The following ARHGAP31 variants were observed in gnomAD, a reference collection of about 807,000 sequenced individuals.
The protein encoded by ARHGAP31 is rho GTPase-activating protein 31.
Under a neutral mutation model 113.9 loss-of-function variants are expected in ARHGAP31, and 34 were observed. The ratio of observed to expected loss-of-function variants is 0.30; its 90% CI spans 0.23 to 0.40. The LOEUF (loss-of-function observed/expected upper bound fraction) is 0.40, where lower values mean the gene tolerates loss of function less well. Ranked by LOEUF, ARHGAP31 falls within the 10% of genes least tolerant of loss-of-function variation. The pLI, the probability that ARHGAP31 is intolerant of heterozygous loss-of-function variation, is 1.00. For synonymous variants in ARHGAP31, 650 were observed against 684.8 expected (o/e 0.95, Z 0.79); for missense variants, 1,548 against 1,767.1 (o/e 0.88, Z 2.22).
In ARHGAP31 at chr3:119,358,786, C is replaced by T. The variant is rs114125882; in HGVS notation, c.101-6530C>T. Among the ~76,000 whole-genome samples the T allele has an allele frequency of 3.7e-3, 560 of 152,216 alleles. 3 individuals carry two copies. The highest frequency in any genetic ancestry group is 0.013 in the African/African-American group (548 of 41,544). ...TCTCATTTATAGGAAATGTCCAAAA[C>T]GGGCAAACCCATAGAAAATAGAACG... On this transcript the variant is annotated intron_variant, in intron 1 of 11. Transcript: ENST00000264245.
chr3:119,338,315 A>T (rs898353096), intron 1 of ARHGAP31, among the ~76,000 whole-genome samples: 8 of 152,182 alleles, frequency 5.3e-5, no homozygotes, highest in Non-Finnish European at 8.8e-5. Context: ...CTAAGTGTTC[A>T]TTTAACAATT....
chr3:119,413,308 C>T (rs1338395750), intron 11 of ARHGAP31, among the ~76,000 whole-genome samples: 1 of 141,434 alleles, frequency 7.1e-6, no homozygotes, highest in Non-Finnish European at 1.5e-5. Context: ...TAACGCGAGA[C>T]TCTGTCTCAA....
At chr3:119,366,540 A>G (rs2080253696) in intron 2 of ARHGAP31, among the ~76,000 whole-genome samples, 1 of 152,122 alleles carries the variant, frequency 6.6e-6, no homozygotes. Context: ...CTAGTACTCC[A>G]TTTATTAGAG....
chr3:119,326,585 G>A (rs1466807600), intron 1 of ARHGAP31, among the ~76,000 whole-genome samples: 1 of 152,200 alleles, frequency 6.6e-6, no homozygotes, highest in Admixed American at 6.5e-5. Context: ...AACTGATGGG[G>A]AGAAGTTTTT....
intron 3 of ARHGAP31, among the ~76,000 whole-genome samples, chr3:119,372,280 C>CTT (rs758369404): frequency 3.8e-4 from 49 of 128,964 alleles, no homozygotes; most frequent in Admixed American, 9.4e-4. Flanking sequence ...TTATTTCTGA[C>CTT]TTTTTTTTTT....
At chr3:119,368,537 T>C in intron 3 of ARHGAP31, 21 bp downstream of exon 3, 1 of 1,613,950 alleles carries the variant, frequency 6.2e-7, no homozygotes, top group Non-Finnish European at 8.5e-7. Flanking sequence ...GGATTTCCAT[T>C]ATGGTTACTG....
At chr3:119,364,737 G>A (rs772352529) in intron 1 of ARHGAP31, among the ~76,000 whole-genome samples, 3 of 152,162 alleles carry the variant, frequency 2.0e-5, no homozygotes, top group Non-Finnish European at 4.4e-5. Flanking sequence ...GTTGTGGAAT[G>A]TCCAAGCTCA....
rs1441029427 is a variant in ARHGAP31 at position 119,391,604 on chromosome 3, C to CG, written c.881+621_881+622insG. On this transcript the variant is annotated intron_variant, in intron 7 of 11. Transcript: ENST00000264245. ...CTGGGTCTCTACCCCCCCCTCCCCCCCGCCGTCACTCATATCCCATAGTAG... is the reference window on the plus strand; with the variant it reads ...CTGGGTCTCTACCCCCCCCTCCCCCCGCGCCGTCACTCATATCCCATAGTAG... 8.8e-5 allele frequency among the ~76,000 whole-genome samples: 10 copies of CG among 113,462 alleles called. No homozygotes were observed. The East Asian group carries it at 1.1e-3, about 13-fold the overall frequency. 74.4% of individuals were successfully genotyped at this position (113,462 alleles called of 152,430 possible). A position where few individuals can be genotyped will look rare whatever the true frequency, so the allele number is the denominator to read the frequency against.
chr3:119,310,868 A>T (rs2079673766), intron 1 of ARHGAP31, among the ~76,000 whole-genome samples: 1 of 152,316 alleles, frequency 6.6e-6, no homozygotes, highest in Non-Finnish European at 1.5e-5. Context: ...TAATTCACCT[A>T]ATCAACTTCC....
chr3:119,338,857 T>C (rs1220991708), intron 1 of ARHGAP31, among the ~76,000 whole-genome samples: 1 of 152,232 alleles, frequency 6.6e-6, no homozygotes, highest in Non-Finnish European at 1.5e-5. Flanking sequence ...GGCCTGCCAC[T>C]GTGTATGAAC....
At position 119,409,666 on chromosome 3, in the gene ARHGAP31, C is replaced by G. The variant is rs761842666; in HGVS notation, c.1816C>G (p.Pro606Ala). ...SQHLNELEKR[P>A]NPEKVVEEGR... Reference sequence around the variant, plus strand: ...ACATTTAAATGAATTAGAGAAGAGGCCAAATCCGGAGAAGGTGGTGGAGGA... The same window carrying G: ...ACATTTAAATGAATTAGAGAAGAGGGCAAATCCGGAGAAGGTGGTGGAGGA... Residue 606 changes from proline to alanine, a missense_variant, in exon 11 of 12, where the codon CCA becomes GCA. Physicochemically the swap from Pro to Ala is conservative, Grantham distance 27. Transcript: ENST00000264245. 1 of 1,611,774 alleles carries G rather than the reference C, an allele frequency of 6.2e-7. No individual in the cohort carries two copies. Among genetic ancestry groups the G allele is most frequent in the Admixed American group, 1.7e-5 (1 of 59,658 alleles).
intron 1 of ARHGAP31, among the ~76,000 whole-genome samples, chr3:119,333,698 CAG>C (rs1459860826): frequency 1.3e-5 from 2 of 152,184 alleles, no homozygotes; most frequent in Non-Finnish European, 2.9e-5. Context: ...CCTAAAAATT[CAG>C]AGTCAGGAAG....
intron 1 of ARHGAP31, among the ~76,000 whole-genome samples, chr3:119,336,827 A>C (rs955375538): frequency 6.6e-6 from 1 of 151,218 alleles, no homozygotes; most frequent in Non-Finnish European, 1.5e-5. Flanking sequence ...CTTCCCACCT[A>C]CTCTCCCGGC....
intron 7 of ARHGAP31, among the ~76,000 whole-genome samples, chr3:119,391,903 C>T (rs1231928974): frequency 6.6e-6 from 1 of 152,102 alleles, no homozygotes; most frequent in Non-Finnish European, 1.5e-5. Context: ...TGAGACTCAG[C>T]CCCACTGCTC....
At chr3:119,337,162 C>A (rs1011569313) in intron 1 of ARHGAP31, among the ~76,000 whole-genome samples, 6 of 152,118 alleles carry the variant, frequency 3.9e-5, no homozygotes, top group African/African-American at 1.2e-4. Flanking sequence ...AGCCGCGGAC[C>A]CTGGCAGTGA....
chr3:119,381,877 T>C (rs1327598849), intron 4 of ARHGAP31, among the ~76,000 whole-genome samples: 1 of 146,236 alleles, frequency 6.8e-6, no homozygotes, highest in Non-Finnish European at 1.5e-5. Flanking sequence ...TTCCAGCTAG[T>C]GGGGAGGATG....
intron 1 of ARHGAP31, among the ~76,000 whole-genome samples, chr3:119,350,281 A>G (rs1446455696): frequency 6.6e-6 from 1 of 152,160 alleles, no homozygotes; most frequent in Non-Finnish European, 1.5e-5. Flanking sequence ...TTCTGGAAAC[A>G]ATGGCTGCCT....
chr3:119,386,379 A>G (rs1437254532), intron 6 of ARHGAP31, among the ~76,000 whole-genome samples: 1 of 152,312 alleles, frequency 6.6e-6, no homozygotes, highest in African/African-American at 2.4e-5. Flanking sequence ...GTGAGGGCCC[A>G]TACACCACAG....
intron 1 of ARHGAP31, among the ~76,000 whole-genome samples, chr3:119,295,764 G>T (rs1291451548): frequency 6.8e-6 from 1 of 147,858 alleles, no homozygotes; most frequent in Non-Finnish European, 1.5e-5. Flanking sequence ...GGGTAGGGGG[G>T]AGTTGGGGAT....
Sources: allele counts gnomAD v4.1 joint callset (sites outside exome capture counted in the v4.1 genomes callset), GRCh38; gene constraint gnomAD v4.1.1; transcripts MANE v1.5; gene names NCBI Gene and HGNC (gene_info 2026-07-23, HGNC 2026-07-21).